Variants in ZNF700 observed in about 807,000 individuals in gnomAD.
The protein encoded by ZNF700 is zinc finger protein 700.
Under a neutral mutation model 65.3 loss-of-function variants are expected in ZNF700, and 38 were observed. That is an observed-to-expected ratio of 0.58 (90% confidence interval 0.45 to 0.76). The LOEUF is 0.76. Ranked by LOEUF, ZNF700 falls within the 30% of genes least tolerant of loss-of-function variation. The pLI, the probability that ZNF700 is intolerant of heterozygous loss-of-function variation, is 0.00. For synonymous variants in ZNF700, 285 were observed against 290.4 expected, an observed-to-expected ratio of 0.98 and a Z score of 0.19; for missense variants, 857 against 888.4, an observed-to-expected ratio of 0.96 and a Z score of 0.45.
At chr19:11,935,909 C>T (rs887717569) in intron 1 of ZNF700, among the ~76,000 whole-genome samples, 5 of 152,166 alleles carry the variant, frequency 3.3e-5, no homozygotes, top group Non-Finnish European at 5.9e-5. Context: ...GCCCTGTGTC[C>T]GAGTGGTCTC....
intron 1 of ZNF700, among the ~76,000 whole-genome samples, chr19:11,927,960 G>A (rs746733962): frequency 6.6e-6 from 1 of 151,994 alleles, no homozygotes; most frequent in Non-Finnish European, 1.5e-5. Context: ...AATGTAACAG[G>A]ATTATGTTTT....
intron 1 of ZNF700, among the ~76,000 whole-genome samples, chr19:11,938,312 G>C (rs1972828727): frequency 6.6e-6 from 1 of 152,030 alleles, no homozygotes; most frequent in South Asian, 2.1e-4. Context: ...GTATACATGT[G>C]ACATGTTGGT....
rs551564782 is a variant in ZNF700 at position 11,929,028 on chromosome 19, A to G, written c.63+3755A>G. Among the ~76,000 whole-genome samples, 6 of 148,704 alleles carry G rather than the reference A, an allele frequency of 4.0e-5. 1 individual carries two copies. Among genetic ancestry groups the G allele is most frequent in the Admixed American group, 2.6e-4 (4 of 15,122 alleles). On this transcript the variant is annotated intron_variant, in intron 1 of 3. Coordinates refer to ENST00000254321, the MANE Select transcript of ZNF700 (RefSeq NM_144566.3). ...TTACAAAACGCTATAGGTAGGAAAG[A>G]AGGCGAATCTGTAATCAGGGAATGG...
chr19:11,947,432 A>G (rs1972977492), intron 2 of ZNF700, 82 bp from the exon 3 acceptor site: 1 of 1,600,506 alleles, frequency 6.2e-7, no homozygotes, highest in Non-Finnish European at 8.5e-7. Context: ...GCATGGCTGC[A>G]GTAAATCATG....
chr19:11,949,529 C>T lies in ZNF700; in HGVS notation c.1505C>T (p.Pro502Leu). 1 of 1,606,262 alleles carries T rather than the reference C, an allele frequency of 6.2e-7. No homozygotes were observed. Among genetic ancestry groups the T allele is most frequent in the Non-Finnish European group, 8.5e-7 (1 of 1,177,858 alleles). ...AGGACAGAAAAACACATAAGAATGC[C>T]CTCTGGAGAAAGACCTTATAAATGT... The part of the protein sequence containing the change: ...HERTEKHIRM[P>L]SGERPYKCSI... The change falls in exon 4 of 4, where the codon CCC becomes CTC. Residue 502 changes from proline (P) to leucine (L), a missense_variant. This residue lies in a region of ZNF700 where 603 missense variants were observed against 619.9 expected (regional missense o/e 0.97). Transcript: ENST00000254321.
chr19:11,934,509 TTC>T (rs1452061176), intron 1 of ZNF700, among the ~76,000 whole-genome samples: 1 of 148,094 alleles, frequency 6.8e-6, no homozygotes, highest in Non-Finnish European at 1.5e-5. Flanking sequence ...TTTCTTTTTT[TTC>T]TTTTTTTCTT....
intron 3 of ZNF700, among the ~76,000 whole-genome samples, chr19:11,947,962 A>G (rs1972988346): frequency 6.6e-6 from 1 of 152,242 alleles, no homozygotes; most frequent in Admixed American, 6.5e-5. Context: ...GTAAGCTATG[A>G]TGATATCACT....
At chr19:11,932,827 CG>C (rs2145277910) in intron 1 of ZNF700, among the ~76,000 whole-genome samples, 1 of 147,360 alleles carries the variant, frequency 6.8e-6, no homozygotes, top group East Asian at 1.9e-4. Context: ...TTAGTAGAGA[CG>C]GGGTTTCACC....
intron 1 of ZNF700, among the ~76,000 whole-genome samples, chr19:11,934,479 A>ATT (rs1466426693): frequency 1.4e-5 from 2 of 147,768 alleles, no homozygotes; most frequent in Middle Eastern, 3.2e-3. Flanking sequence ...TGCACCAGGT[A>ATT]TTTGCTGCTG....
rs369969478 is a variant in ZNF700, at chr19:11,948,661, A to G, written c.637A>G (p.Met213Val). 24 of 1,611,964 alleles carry G rather than the reference A, an allele frequency of 1.5e-5. No homozygotes were observed. The highest frequency in any genetic ancestry group is 1.9e-5 in the Non-Finnish European group (22 of 1,179,524). The stretch of plus-strand genomic sequence containing the variant: ...TTTCCATTCAAGCATTCGAAGACAC[A>G]TGGTAATGCACAGTGGGGATGGAAC... ...FIFHSSIRRH[M>V]VMHSGDGTYK... is the part of the protein sequence containing the mutation. Residue 213 changes from methionine to valine, a missense_variant, in exon 4 of 4, where the codon ATG (methionine) becomes GTG (valine). Met to Val is a conservative substitution (Grantham distance 21, BLOSUM62 1). Transcript: ENST00000254321.
At chr19:11,941,635 C>T (rs750528105) in intron 1 of ZNF700, among the ~76,000 whole-genome samples, 2 of 152,206 alleles carry the variant, frequency 1.3e-5, no homozygotes, top group East Asian at 1.9e-4. Flanking sequence ...CCAGCTGGCC[C>T]GCAAGCGCCG....
At chr19:11,948,233 C>T in intron 3 of ZNF700, 43 bp from the exon 4 acceptor site, 1 of 1,585,594 alleles carries the variant, frequency 6.3e-7, no homozygotes, top group African/African-American at 1.4e-5. Context: ...TATAGAAGTA[C>T]TTGTAAACAA....
At chr19:11,932,222 TAGACCC>T (rs1972724774) in intron 1 of ZNF700, among the ~76,000 whole-genome samples, 1 of 148,068 alleles carries the variant, frequency 6.8e-6, no homozygotes, top group Non-Finnish European at 1.5e-5. Flanking sequence ...TGTGCGCCTG[TAGACCC>T]AGCTACTCAG....
chr19:11,939,587 C>A (rs1327341307), intron 1 of ZNF700, among the ~76,000 whole-genome samples: 2 of 152,104 alleles, frequency 1.3e-5, no homozygotes, highest in Non-Finnish European at 2.9e-5. Context: ...TGGTCTATAT[C>A]TCTGTTTTGG....
chr19:11,925,122 T>C lies in ZNF700; in HGVS notation c.-89T>C, dbSNP rs1972602542. 1 of 1,520,808 alleles carries C rather than the reference T, an allele frequency of 6.6e-7. No homozygotes were observed. The highest frequency in any genetic ancestry group is 9.0e-7 in the Non-Finnish European group (1 of 1,109,828). The allele number at this position is 1,520,808 out of a possible 1,614,324, so 94.2% of individuals were successfully genotyped here. ...GGGTCGCTTTCCTCACCTTCCTCGC[T>C]GCGCGGGCGGCGGTTGGTAACCGGT... On this transcript the variant is annotated 5_prime_UTR_variant, in exon 1 of 4. Coordinates refer to ENST00000254321, the MANE Select transcript of ZNF700 (RefSeq NM_144566.3).
At chr19:11,946,890 C>T in intron 1 of ZNF700, 1 of 373,062 alleles carries the variant, frequency 2.7e-6, no homozygotes, top group Admixed American at 4.8e-5. Flanking sequence ...ATCCCAGCTA[C>T]TCGGGAGGCT....
chr19:11,939,522 G>T (rs567744029), intron 1 of ZNF700, among the ~76,000 whole-genome samples: 157 of 152,330 alleles, frequency 1.0e-3, no homozygotes, highest in Non-Finnish European at 1.9e-3. Flanking sequence ...GTTCGTCAAA[G>T]ATCAGATGGT....
intron 3 of ZNF700, 54 bp downstream of exon 3, chr19:11,947,628 G>A (rs1157245363): frequency 1.4e-6 from 2 of 1,462,734 alleles, no homozygotes; most frequent in East Asian, 4.5e-5. Flanking sequence ...CTTAGAATAT[G>A]AGAATATGTT....
At chr19:11,948,053 T>C (rs1972989556) in intron 3 of ZNF700, among the ~76,000 whole-genome samples, 1 of 152,172 alleles carries the variant, frequency 6.6e-6, no homozygotes, top group Non-Finnish European at 1.5e-5. Flanking sequence ...TAAAATAGTT[T>C]ACATGGGAAT....
Sources: gnomAD v4.1 joint callset for allele counts (sites outside exome capture counted in the v4.1 genomes callset) on GRCh38, gnomAD v4.1.1 for gene constraint, gnomAD v4.1.1 regional missense constraint, MANE v1.5 for transcripts, NCBI Gene and HGNC (gene_info 2026-07-23, HGNC 2026-07-21) for gene names.